UBASH3B: variants seen among roughly 807,000 people sequenced by gnomAD.
UBASH3B encodes ubiquitin associated and SH3 domain containing B, also known as ubiquitin-associated and SH3 domain-containing protein B.
Under a neutral mutation model 83.4 loss-of-function variants are expected in UBASH3B, and 37 were observed. The ratio of observed to expected loss-of-function variants is 0.44; its 90% CI spans 0.34 to 0.58. The LOEUF (loss-of-function observed/expected upper bound fraction) is 0.58, where lower values mean the gene tolerates loss of function less well. Ranked by LOEUF, UBASH3B falls within the 20% of genes least tolerant of loss-of-function variation. The pLI, the probability that UBASH3B is intolerant of heterozygous loss-of-function variation, is 0.01. For missense variants in UBASH3B, 657 were observed against 827.2 expected (o/e 0.79, Z 2.52); for synonymous variants, 304 against 318.3 (o/e 0.96, Z 0.48).
intron 1 of UBASH3B, among the ~76,000 whole-genome samples, chr11:122,675,421 G>T (rs1234505148): frequency 6.6e-6 from 1 of 152,240 alleles, no homozygotes; most frequent in Non-Finnish European, 1.5e-5. Context: ...TCAGCGTTCT[G>T]TGGCAGTTCC....
At chr11:122,773,952 G>T (rs1470436292) in intron 1 of UBASH3B, 1 of 984,782 alleles carries the variant, frequency 1.0e-6, no homozygotes, top group East Asian at 1.1e-4. Flanking sequence ...TTTCCCAGTT[G>T]TTTTTGGAAC....
intron 1 of UBASH3B, chr11:122,775,521 C>T (rs569006417): frequency 1.3e-5 from 2 of 152,174 alleles, no homozygotes; most frequent in African/African-American, 2.4e-5. Context: ...ATGAATTGAT[C>T]CAAACCATTT....
chr11:122,658,504 A>G (rs1863393214), intron 1 of UBASH3B, among the ~76,000 whole-genome samples: 1 of 152,202 alleles, frequency 6.6e-6, no homozygotes, highest in Admixed American at 6.5e-5. Flanking sequence ...TACTTACTCC[A>G]TACTGTTCTA....
At chr11:122,665,233 AATAACACG>A (rs1487737952) in intron 1 of UBASH3B, among the ~76,000 whole-genome samples, 4 of 152,136 alleles carry the variant, frequency 2.6e-5, no homozygotes, top group Non-Finnish European at 4.4e-5. Context: ...GCTACAGTGC[AATAACACG>A]ATCCTAGCTC....
intron 1 of UBASH3B, among the ~76,000 whole-genome samples, chr11:122,663,124 A>G (rs566640097): frequency 6.6e-6 from 1 of 152,154 alleles, no homozygotes; most frequent in South Asian, 2.1e-4. Flanking sequence ...CTACAGGCAC[A>G]TGCCGCCATG....
intron 1 of UBASH3B, among the ~76,000 whole-genome samples, chr11:122,721,211 C>T (rs1374146429): frequency 3.5e-5 from 5 of 143,612 alleles, no homozygotes; most frequent in Admixed American, 2.9e-4. Context: ...CGGCACTGCA[C>T]TCCAGTCTGG....
Position 122,758,252 on chromosome 11 carries a change from G to A in UBASH3B, c.162-17967G>A, listed in dbSNP as rs1460417682. 1.3e-5 allele frequency among the ~76,000 whole-genome samples: 2 copies of A among 152,178 alleles called. No individual in the cohort carries two copies. The highest frequency in any genetic ancestry group is 6.5e-5 in the Admixed American group (1 of 15,278). On this transcript the variant is annotated intron_variant, in intron 1 of 13. Transcript: ENST00000284273. The surrounding 1 kb of genome is among the most constrained non-coding windows in gnomAD (Gnocchi z 4.2). ...TTTTGGACCCCTCTCACTTCCTGGCGTGTTTGGTCAAGTCCCATTTATAAT... is the reference window on the plus strand; with the variant it reads ...TTTTGGACCCCTCTCACTTCCTGGCATGTTTGGTCAAGTCCCATTTATAAT...
chr11:122,809,710 A>G (rs2135196629), intron 13 of UBASH3B, 39 bp from the exon 14 acceptor site: 1 of 1,611,022 alleles, frequency 6.2e-7, no homozygotes, highest in South Asian at 1.1e-5. Flanking sequence ...CATTAAACCT[A>G]TCTCCTAATA....
At chr11:122,757,076 G>A (rs985527342) in intron 1 of UBASH3B, among the ~76,000 whole-genome samples, 1 of 152,134 alleles carries the variant, frequency 6.6e-6, no homozygotes, top group Non-Finnish European at 1.5e-5. Flanking sequence ...ACTATTATTC[G>A]ATCTAAAATC....
intron 1 of UBASH3B, among the ~76,000 whole-genome samples, chr11:122,726,921 C>T (rs1591788606): frequency 6.6e-6 from 1 of 152,218 alleles, no homozygotes; most frequent in Non-Finnish European, 1.5e-5. Flanking sequence ...CCGTTTTGAG[C>T]TTTCTGGCAG....
chr11:122,729,544 A>T lies in UBASH3B; in HGVS notation c.162-46675A>T, dbSNP rs185644979. Among the ~76,000 whole-genome samples, 7 of 152,334 alleles carry T rather than the reference A, an allele frequency of 4.6e-5. No individual in the cohort carries two copies. The East Asian group carries it at 1.3e-3, about 29-fold the overall frequency. On this transcript the variant is annotated intron_variant, in intron 1 of 13. Coordinates refer to ENST00000284273, the MANE Select transcript of UBASH3B (RefSeq NM_032873.5). The stretch of plus-strand genomic sequence containing the variant: ...TATGATAAAGGCAAGTGATTATGTT[A>T]AAGATAAAACAGTTCTTATCAGAGA...
intron 1 of UBASH3B, among the ~76,000 whole-genome samples, chr11:122,728,115 G>A (rs1314776249): frequency 6.6e-6 from 1 of 152,168 alleles, no homozygotes; most frequent in Non-Finnish European, 1.5e-5. Context: ...TGGTATTACA[G>A]GCGTGAGCTA....
intron 1 of UBASH3B, among the ~76,000 whole-genome samples, chr11:122,755,014 T>G (rs1861261400): frequency 6.6e-6 from 1 of 152,148 alleles, no homozygotes; most frequent in African/African-American, 2.4e-5. Flanking sequence ...GACTTAAATG[T>G]AAGCTCTGCG....
chr11:122,725,931 A>G (rs1355628141), intron 1 of UBASH3B, among the ~76,000 whole-genome samples: 1 of 151,972 alleles, frequency 6.6e-6, no homozygotes, highest in East Asian at 1.9e-4. Flanking sequence ...TGACCTCATG[A>G]TCCACCCACC....
rs1331655401 is a variant in UBASH3B, at chr11:122,729,198, G to A, written c.162-47021G>A. On this transcript the variant is annotated intron_variant, in intron 1 of 13. Coordinates refer to ENST00000284273, the MANE Select transcript of UBASH3B (RefSeq NM_032873.5). ...AGGACTGCGGAGTGAGTACTCCAAC[G>A]CCACAGGGGCCAGCTCCCTGCAGTT... Among the ~76,000 whole-genome samples the A allele has an allele frequency of 2.0e-5, 3 of 152,252 alleles. No individual in the cohort carries two copies. In the South Asian group the frequency reaches 6.2e-4, roughly 32 times the overall value.
rs1861350293 is a variant in UBASH3B, at chr11:122,806,881, A to G, written c.1702+365A>G. Among the ~76,000 whole-genome samples, 2 of 152,160 alleles carry G rather than the reference A, an allele frequency of 1.3e-5. No homozygotes were observed. ...ACCTACACACAGCACACCTACACAA[A>G]CACATACACCTTCCCTGCTATCACC... On this transcript the variant is annotated intron_variant, in intron 12 of 13. Coordinates refer to ENST00000284273, the MANE Select transcript of UBASH3B (RefSeq NM_032873.5). This position sits in a 1 kb window ranked among gnomAD's most constrained non-coding sequence, Gnocchi z 4.0.
At chr11:122,663,626 G>T (rs908531951) in intron 1 of UBASH3B, among the ~76,000 whole-genome samples, 23 of 152,196 alleles carry the variant, frequency 1.5e-4, no homozygotes, top group African/African-American at 5.5e-4. Flanking sequence ...TGATGTGGTG[G>T]TACTATCACT....
At chr11:122,690,695 CAT>C (rs1263073550) in intron 1 of UBASH3B, among the ~76,000 whole-genome samples, 1 of 152,146 alleles carries the variant, frequency 6.6e-6, no homozygotes, top group East Asian at 1.9e-4. Context: ...GTGAGAGACA[CAT>C]AGCGCTATGC....
chr11:122,741,734 G>A (rs1296293530), intron 1 of UBASH3B, among the ~76,000 whole-genome samples: 2 of 152,118 alleles, frequency 1.3e-5, no homozygotes, highest in African/African-American at 4.8e-5. Flanking sequence ...CCCCAGAAAC[G>A]TGAACTTTCT....
Sources: allele counts gnomAD v4.1 joint callset (sites outside exome capture counted in the v4.1 genomes callset), GRCh38; gene constraint gnomAD v4.1.1; non-coding constraint Gnocchi (gnomAD v3.1); transcripts MANE v1.5; gene names NCBI Gene and HGNC (gene_info 2026-07-23, HGNC 2026-07-21).